Variants in RIMS2 observed in about 807,000 individuals in gnomAD.
RIMS2 encodes regulating synaptic membrane exocytosis protein 2.
In RIMS2, 59 loss-of-function variants were observed where a neutral mutation model predicts 174.4. That is an observed-to-expected ratio of 0.34 (90% CI 0.27 to 0.42). The LOEUF is 0.42. RIMS2 is among the 10% of genes least tolerant of loss of function. The pLI, the probability that RIMS2 is intolerant of heterozygous loss-of-function variation, is 1.00. For missense variants in RIMS2, 1,620 were observed against 1,666.3 expected, an observed-to-expected ratio of 0.97 and a Z score of 0.48; for synonymous variants, 606 against 572.5, an observed-to-expected ratio of 1.06 and a Z score of -0.84.
chr8:103,821,243 A>G (rs16870735), intron 3 of RIMS2, among the ~76,000 whole-genome samples: 18,813 of 151,618 alleles, frequency 0.12, 1,267 homozygotes, highest in Middle Eastern at 0.22. Flanking sequence ...TGGCATGCCT[A>G]TAATTTCAGT....
chr8:103,649,036 A>G (rs115063415), intron 1 of RIMS2, among the ~76,000 whole-genome samples: 4,709 of 152,128 alleles, frequency 0.031, 220 homozygotes, highest in African/African-American at 0.1. Flanking sequence ...TCATAATGTC[A>G]CTGATCTGTG....
chr8:103,656,425 A>G (rs2082564150), intron 1 of RIMS2, among the ~76,000 whole-genome samples: 1 of 152,144 alleles, frequency 6.6e-6, no homozygotes, highest in Non-Finnish European at 1.5e-5. Flanking sequence ...AGAGTGTGTG[A>G]TAAAGAGCAG....
intron 19 of RIMS2, among the ~76,000 whole-genome samples, chr8:104,244,118 A>T (rs778582138): frequency 5.9e-5 from 9 of 152,128 alleles, no homozygotes; most frequent in Admixed American, 5.2e-4. Flanking sequence ...ACCTCTCCAG[A>T]TAGTACTTCC....
chr8:104,038,732 C>A (rs960786343), intron 19 of RIMS2, among the ~76,000 whole-genome samples: 10 of 151,768 alleles, frequency 6.6e-5, no homozygotes, highest in African/African-American at 2.4e-4. Flanking sequence ...CTATAAGTTT[C>A]TCTTTTAAAA....
At chr8:104,058,128 C>T (rs2154559831) in intron 19 of RIMS2, among the ~76,000 whole-genome samples, 1 of 148,638 alleles carries the variant, frequency 6.7e-6, no homozygotes, top group East Asian at 2.0e-4. Flanking sequence ...GTTCTAGATC[C>T]CTGAGGAATC....
chr8:103,817,878 A>AAAAAAT (rs1357407242), intron 3 of RIMS2, among the ~76,000 whole-genome samples: 1 of 152,164 alleles, frequency 6.6e-6, no homozygotes, highest in East Asian at 1.9e-4. Context: ...TCTGGATATT[A>AAAAAAT]AAAAATAAAT....
intron 2 of RIMS2, among the ~76,000 whole-genome samples, chr8:103,699,754 G>A (rs7016724): frequency 0.12 from 17,639 of 151,930 alleles, 1,361 homozygotes; most frequent in Non-Finnish European, 0.17. Context: ...TACTTTACTG[G>A]CATCACCACA....
At chr8:104,062,422 A>T (rs1041743847) in intron 19 of RIMS2, among the ~76,000 whole-genome samples, 5 of 152,216 alleles carry the variant, frequency 3.3e-5, no homozygotes, top group African/African-American at 1.2e-4. Flanking sequence ...AATTTTAAAA[A>T]AATTCATTAA....
chr8:103,818,225 G>T (rs2098730174), intron 3 of RIMS2, among the ~76,000 whole-genome samples: 1 of 152,084 alleles, frequency 6.6e-6, no homozygotes, highest in Non-Finnish European at 1.5e-5. Context: ...TATGGAAAGG[G>T]ATAAAAGGGC....
intron 13 of RIMS2, among the ~76,000 whole-genome samples, chr8:103,940,849 C>T (rs2082365068): frequency 1.3e-5 from 2 of 148,368 alleles, no homozygotes; most frequent in Admixed American, 6.8e-5. Flanking sequence ...GCACTCCAGC[C>T]TGGGCGACAG....
At chr8:104,169,336 ATAT>A (rs1563509847) in intron 19 of RIMS2, among the ~76,000 whole-genome samples, 8 of 39,964 alleles carry the variant, frequency 2.0e-4, no homozygotes, top group African/African-American at 1.0e-3. Context: ...ATATATATAT[ATAT>A]AAAACAGATT....
chr8:103,948,849 G>T (rs1417787369), intron 14 of RIMS2, among the ~76,000 whole-genome samples: 2 of 151,874 alleles, frequency 1.3e-5, no homozygotes, highest in Non-Finnish European at 2.9e-5. Context: ...TCAAAGCCAG[G>T]CATGATGGCT....
intron 2 of RIMS2, among the ~76,000 whole-genome samples, chr8:103,742,708 T>C (rs1440543492): frequency 6.6e-6 from 1 of 152,080 alleles, no homozygotes; most frequent in East Asian, 1.9e-4. Context: ...TTCTTTAGGG[T>C]TTGAATGTTT....
intron 12 of RIMS2, among the ~76,000 whole-genome samples, chr8:103,935,532 C>G (rs903262888): frequency 2.6e-5 from 4 of 152,196 alleles, no homozygotes. Context: ...TCTCTCCTCC[C>G]TGTTTCCCAA....
intron 1 of RIMS2, among the ~76,000 whole-genome samples, chr8:103,593,514 C>T (rs1282113880): frequency 6.6e-6 from 1 of 151,300 alleles, no homozygotes; most frequent in Non-Finnish European, 1.5e-5. Context: ...TCTATAATGA[C>T]CTGAACAAAT....
At chr8:104,023,286 C>G (rs958301915) in intron 19 of RIMS2, among the ~76,000 whole-genome samples, 1 of 145,086 alleles carries the variant, frequency 6.9e-6, no homozygotes, top group Non-Finnish European at 1.6e-5. Context: ...GACACAATAC[C>G]ACTTTTTTTT....
chr8:103,658,111 A>G (rs1433328748), intron 1 of RIMS2, among the ~76,000 whole-genome samples: 2 of 152,260 alleles, frequency 1.3e-5, no homozygotes, highest in Non-Finnish European at 1.5e-5. Context: ...CGTGAAGAAA[A>G]TTCAAATATA....
At position 104,031,825 on chromosome 8, in the gene RIMS2, A is replaced by G. The variant is rs570485950; in HGVS notation, c.3334+17210A>G. On this transcript the variant is annotated intron_variant, in intron 19 of 23. Coordinates refer to ENST00000504942, the Ensembl canonical transcript of RIMS2. Reference sequence around the variant, plus strand: ...CATGAGACTACAAGCATTGCATTTCATGCTTTTTAAAATGCGTGTGTGCTT... The same window carrying G: ...CATGAGACTACAAGCATTGCATTTCGTGCTTTTTAAAATGCGTGTGTGCTT... Among the ~76,000 whole-genome samples, 13 of 152,228 alleles carry G rather than the reference A, an allele frequency of 8.5e-5. No individual in the cohort carries two copies. In the East Asian group the frequency reaches 2.5e-3, roughly 29 times the overall value.
At chr8:104,255,179 T>A (rs568035490), downstream of RIMS2, 265 of 152,240 alleles carry the variant, frequency 1.7e-3, 1 homozygote, top group African/African-American at 5.9e-3. Flanking sequence ...ATTCCCCCTA[T>A]CTGTCCCATA....
Sources: allele counts gnomAD v4.1 joint callset (sites outside exome capture counted in the v4.1 genomes callset), GRCh38; gene constraint gnomAD v4.1.1; transcripts MANE v1.5; gene names NCBI Gene and HGNC (gene_info 2026-07-23, HGNC 2026-07-21).